CAMKMT: variants seen among roughly 807,000 people sequenced by gnomAD.
The protein encoded by CAMKMT is calmodulin-lysine N-methyltransferase.
In CAMKMT, 53 loss-of-function variants were observed where a neutral mutation model predicts 48.0. The observed-to-expected ratio is 1.10, with a 90% CI of 0.89 to 1.39. The LOEUF (loss-of-function observed/expected upper bound fraction) is 1.39, where lower values mean the gene tolerates loss of function less well. Ranked by LOEUF, CAMKMT falls within the 40% of genes most tolerant of loss-of-function variation. The pLI, the probability that CAMKMT is intolerant of heterozygous loss-of-function variation, is 0.00. For missense variants in CAMKMT, 428 were observed against 402.7 expected (o/e 1.06, Z -0.54); for synonymous variants, 165 against 152.3 (o/e 1.08, Z -0.61).
chr2:44,472,784 A>G (rs919769675), intron 3 of CAMKMT, among the ~76,000 whole-genome samples: 5 of 152,026 alleles, frequency 3.3e-5, no homozygotes, highest in African/African-American at 9.7e-5. Flanking sequence ...ATAGCAAAAC[A>G]TAAGTTACAT....
At chr2:44,561,620 T>A (rs1668327339) in intron 3 of CAMKMT, among the ~76,000 whole-genome samples, 1 of 152,232 alleles carries the variant, frequency 6.6e-6, no homozygotes, top group East Asian at 1.9e-4. Flanking sequence ...TTGTCAAACA[T>A]GTTCTGCTCC....
intron 3 of CAMKMT, among the ~76,000 whole-genome samples, chr2:44,489,285 G>A (rs535661457): frequency 6.2e-5 from 8 of 129,496 alleles, no homozygotes; most frequent in Non-Finnish European, 1.1e-4. Context: ...TTGCTCTGTC[G>A]CCCAGGCTGG....
At chr2:44,443,453 A>G (rs755026868) in intron 3 of CAMKMT, among the ~76,000 whole-genome samples, 2 of 152,184 alleles carry the variant, frequency 1.3e-5, no homozygotes, top group African/African-American at 4.8e-5. Context: ...TGGGGTATGT[A>G]AATCAGGAAT....
chr2:44,580,104 C>A (rs558754366), intron 3 of CAMKMT, among the ~76,000 whole-genome samples: 1 of 152,134 alleles, frequency 6.6e-6, no homozygotes, highest in Admixed American at 6.5e-5. Flanking sequence ...ATGATTTGTT[C>A]TACCTTTGAA....
intron 3 of CAMKMT, among the ~76,000 whole-genome samples, chr2:44,480,983 C>G (rs934736454): frequency 6.6e-6 from 1 of 151,842 alleles, no homozygotes; most frequent in South Asian, 2.1e-4. Context: ...CATGCCTATA[C>G]TTTCTATCAT....
intron 3 of CAMKMT, among the ~76,000 whole-genome samples, chr2:44,600,191 A>C (rs541746424): frequency 6.6e-6 from 1 of 152,126 alleles, no homozygotes; most frequent in Non-Finnish European, 1.5e-5. Context: ...GCTCATAATA[A>C]CAGATGATAA....
At chr2:44,548,576 A>G (rs1667531304) in intron 3 of CAMKMT, among the ~76,000 whole-genome samples, 1 of 152,236 alleles carries the variant, frequency 6.6e-6, no homozygotes, top group Admixed American at 6.5e-5. Flanking sequence ...GTCCCAAATC[A>G]GTTGACCATA....
chr2:44,559,230 G>A (rs1474541582), intron 3 of CAMKMT, among the ~76,000 whole-genome samples: 1 of 152,062 alleles, frequency 6.6e-6, no homozygotes, highest in East Asian at 1.9e-4. Flanking sequence ...GTGTTGGAAG[G>A]GACTGTATAG....
chr2:44,518,078 G>T (rs938321486), intron 3 of CAMKMT, among the ~76,000 whole-genome samples: 1 of 152,174 alleles, frequency 6.6e-6, no homozygotes, highest in African/African-American at 2.4e-5. Context: ...TGGGGAAATT[G>T]AGGAAGTGCT....
At chr2:44,505,388 T>C (rs1181684840) in intron 3 of CAMKMT, among the ~76,000 whole-genome samples, 4 of 152,244 alleles carry the variant, frequency 2.6e-5, no homozygotes, top group East Asian at 3.8e-4. Flanking sequence ...CAAAGGCTTT[T>C]AGTTTTGATG....
chr2:44,771,183 C>T (rs902575237), intron 10 of CAMKMT, among the ~76,000 whole-genome samples: 6 of 151,996 alleles, frequency 3.9e-5, no homozygotes, highest in Non-Finnish European at 7.4e-5. Context: ...CTAATTTAAA[C>T]AATAAAGGAA....
chr2:44,729,138 G>A (rs1029713499), intron 7 of CAMKMT, among the ~76,000 whole-genome samples: 6 of 152,000 alleles, frequency 3.9e-5, no homozygotes, highest in Non-Finnish European at 7.4e-5. Context: ...GTGACTGTAC[G>A]TAGAATGTAA....
At chr2:44,749,113 G>A (rs969480034) in intron 8 of CAMKMT, among the ~76,000 whole-genome samples, 8 of 152,142 alleles carry the variant, frequency 5.3e-5, no homozygotes, top group African/African-American at 1.4e-4. Context: ...CATTCTGGAC[G>A]TGGTTTCTAG....
intron 2 of CAMKMT, among the ~76,000 whole-genome samples, chr2:44,382,600 T>G (rs1680362939): frequency 6.6e-6 from 1 of 151,994 alleles, no homozygotes; most frequent in South Asian, 2.1e-4. Context: ...TGCCTCAGCT[T>G]CCTGAGTAGC....
intron 3 of CAMKMT, among the ~76,000 whole-genome samples, chr2:44,673,921 A>C (rs1016059287): frequency 6.6e-6 from 1 of 152,158 alleles, no homozygotes; most frequent in Non-Finnish European, 1.5e-5. Context: ...AGCTCCAGAC[A>C]CCTCACTTCA....
intron 3 of CAMKMT, among the ~76,000 whole-genome samples, chr2:44,506,235 G>C (rs910556371): frequency 6.6e-6 from 1 of 152,116 alleles, no homozygotes; most frequent in Admixed American, 6.6e-5. Context: ...AGTGGTAGGG[G>C]TATAAAAGTG....
chr2:44,427,164 A>G (rs1684329551), intron 3 of CAMKMT, among the ~76,000 whole-genome samples: 1 of 152,332 alleles, frequency 6.6e-6, no homozygotes, highest in Non-Finnish European at 1.5e-5. Context: ...CTAACTTAAG[A>G]TGGATTAAAG....
chr2:44,526,319 A>G (rs757310799), intron 3 of CAMKMT, among the ~76,000 whole-genome samples: 8 of 152,218 alleles, frequency 5.3e-5, no homozygotes, highest in Non-Finnish European at 1.0e-4. Context: ...TTATACATGT[A>G]GATATAAAAT....
intron 6 of CAMKMT, among the ~76,000 whole-genome samples, chr2:44,713,892 T>G (rs1021652466): frequency 2.6e-5 from 4 of 152,154 alleles, no homozygotes; most frequent in African/African-American, 9.7e-5. Flanking sequence ...AAATTTGTTT[T>G]TCTGAGCAAT....
Sources: allele counts gnomAD v4.1 joint callset (sites outside exome capture counted in the v4.1 genomes callset), GRCh38; gene constraint gnomAD v4.1.1; transcripts MANE v1.5; gene names NCBI Gene and HGNC (gene_info 2026-07-23, HGNC 2026-07-21).